The following INPP5B variants were observed in gnomAD, a reference collection of about 807,000 sequenced individuals.
INPP5B encodes inositol polyphosphate-5-phosphatase B, also known as type II inositol 1,4,5-trisphosphate 5-phosphatase.
In INPP5B, 90 loss-of-function variants were observed where a neutral mutation model predicts 118.5. The observed-to-expected ratio is 0.76, with a 90% CI of 0.64 to 0.90. The LOEUF (loss-of-function observed/expected upper bound fraction) is 0.90, where lower values mean the gene tolerates loss of function less well. INPP5B is among the 40% of genes least tolerant of loss of function. The probability of loss-of-function intolerance (pLI) is 0.00; values close to 1 mark genes in which losing one functional copy is unlikely to be tolerated. For missense variants in INPP5B, 984 were observed against 1,125.6 expected (o/e 0.87, Z 1.80); for synonymous variants, 385 against 418.9 (o/e 0.92, Z 0.99).
chr1:37,891,285 AC>A, intron 8 of INPP5B, 72 bp downstream of exon 8: 1 of 1,070,698 alleles, frequency 9.3e-7, no homozygotes, highest in East Asian at 2.4e-5. Flanking sequence ...CTTACATTAT[AC>A]CCAAAATGGT....
At position 37,862,221 on chromosome 1, in the gene INPP5B, G is replaced by A. The variant is rs899065228; in HGVS notation, c.*94C>T. 4 of 787,610 alleles carry A rather than the reference G, an allele frequency of 5.1e-6. No individual in the cohort carries two copies. In the East Asian group the frequency reaches 9.8e-5, roughly 19 times the overall value. The allele number at this position is 787,610 out of a possible 1,614,324, so 48.8% of individuals were successfully genotyped here. A position where few individuals can be genotyped will look rare whatever the true frequency, so the allele number is the denominator to read the frequency against. ...AAATAGCTGCCATTCTTGCTACCAA[G>A]TGGCCTCACATAATTATCTTAAGGC... On this transcript the variant is annotated 3_prime_UTR_variant, in exon 24 of 24. Coordinates refer to ENST00000373024, the MANE Select transcript of INPP5B (RefSeq NM_005540.3).
chr1:37,873,166 CT>C lies in INPP5B; in HGVS notation c.1952-2del, dbSNP rs1344605248. On this transcript the variant is annotated splice_acceptor_variant, in intron 18 of 23. Coordinates refer to ENST00000373024, the MANE Select transcript of INPP5B (RefSeq NM_005540.3). LOFTEE classifies it high-confidence loss of function. ...TCCAAGTCAATCTCAACATCAGAAT[CT>C]GCAGAGAAATTTTAAAAATAATGTT... The C allele has an allele frequency of 6.2e-7, 1 of 1,607,082 alleles. No individual in the cohort carries two copies. Among genetic ancestry groups the C allele is most frequent in the East Asian group, 2.2e-5 (1 of 44,848 alleles).
At chr1:37,897,016 G>A (rs751820273) in intron 7 of INPP5B, among the ~76,000 whole-genome samples, 107 of 141,140 alleles carry the variant, frequency 7.6e-4, no homozygotes, top group South Asian at 2.8e-3. Context: ...CAGCCGCCCC[G>A]TCCGGGAGGT....
chr1:37,926,366 T>TG lies in INPP5B; in HGVS notation c.532+5546dup, dbSNP rs1645228949. Reference sequence around the variant, plus strand: ...ATGCAGTGGCGTGATCTCAGCCCACTGCAACCTCCGCCTCCCAGGTTCAAG... The same window carrying TG: ...ATGCAGTGGCGTGATCTCAGCCCACTGGCAACCTCCGCCTCCCAGGTTCAAG... On this transcript the variant is annotated intron_variant, in intron 7 of 23. Transcript: ENST00000373024. Among the ~76,000 whole-genome samples the TG allele has an allele frequency of 3.3e-5, 5 of 152,036 alleles. No individual in the cohort carries two copies. In the South Asian group the frequency reaches 1.0e-3, roughly 31 times the overall value.
chr1:37,932,054 C>T lies in INPP5B; in HGVS notation c.392-1G>A. The T allele has an allele frequency of 1.3e-6, 2 of 1,589,426 alleles. 1 individual carries two copies. Among genetic ancestry groups the T allele is most frequent in the East Asian group, 4.5e-5 (2 of 44,428 alleles). On this transcript the variant is annotated splice_acceptor_variant, in intron 6 of 23. Coordinates refer to ENST00000373024, the MANE Select transcript of INPP5B (RefSeq NM_005540.3). LOFTEE classifies it high-confidence loss of function. ...GGATCCCGGGTCGCAGAATCGAAGC[C>T]TGTGCAGGAACAAATGGGGGCAGAC...
At chr1:37,890,710 G>A (rs1191267291) in intron 8 of INPP5B, among the ~76,000 whole-genome samples, 7 of 152,014 alleles carry the variant, frequency 4.6e-5, no homozygotes, top group Non-Finnish European at 5.9e-5. Flanking sequence ...GAAATCAAAC[G>A]TTTCTAATCT....
intron 19 of INPP5B, among the ~76,000 whole-genome samples, chr1:37,872,380 A>AAAG (rs1455720223): frequency 1.3e-5 from 2 of 151,118 alleles, no homozygotes; most frequent in East Asian, 3.9e-4. Flanking sequence ...CAAAAAAAAA[A>AAAG]AAAAAAAAGA....
intron 7 of INPP5B, among the ~76,000 whole-genome samples, chr1:37,921,300 A>G (rs1645045591): frequency 6.6e-6 from 1 of 152,178 alleles, no homozygotes. Context: ...TCTTATGACA[A>G]AAAGGAGCTG....
At chr1:37,944,391 G>A (rs1003311957) in intron 3 of INPP5B, among the ~76,000 whole-genome samples, 1 of 151,968 alleles carries the variant, frequency 6.6e-6, no homozygotes, top group Non-Finnish European at 1.5e-5. Flanking sequence ...CAACATTTAT[G>A]GAGCACTTTC....
intron 13 of INPP5B, chr1:37,884,983 C>A (rs1363002373): frequency 1.3e-5 from 2 of 152,020 alleles, no homozygotes; most frequent in African/African-American, 4.8e-5. Context: ...AAACTTATAC[C>A]TTCCCAAGGA....
At chr1:37,878,496 T>C in intron 15 of INPP5B, 173 bp from the exon 16 acceptor site, 2 of 985,352 alleles carry the variant, frequency 2.0e-6, no homozygotes, top group Non-Finnish European at 2.4e-6. Flanking sequence ...ATGTATCCTG[T>C]GGGTATCATC....
At chr1:37,889,959 A>G (rs1455454009) in intron 8 of INPP5B, among the ~76,000 whole-genome samples, 1 of 152,238 alleles carries the variant, frequency 6.6e-6, no homozygotes, top group African/African-American at 2.4e-5. Flanking sequence ...GAGTCACAGA[A>G]TCTCAGACCA....
intron 7 of INPP5B, among the ~76,000 whole-genome samples, chr1:37,919,816 G>A (rs749701669): frequency 1.3e-5 from 2 of 151,984 alleles, no homozygotes; most frequent in African/African-American, 4.8e-5. Context: ...GGTGGCAGGC[G>A]CCTATAATCC....
intron 9 of INPP5B, 25 bp from the exon 10 acceptor site, chr1:37,888,369 T>G: frequency 7.0e-7 from 1 of 1,424,156 alleles, no homozygotes; most frequent in African/African-American, 1.5e-5. Flanking sequence ...AAATAATTAG[T>G]GACTCCGAAT....
intron 17 of INPP5B, 92 bp from the exon 18 acceptor site, chr1:37,874,247 A>C (rs1642649936): frequency 1.1e-6 from 1 of 888,778 alleles, no homozygotes; most frequent in Non-Finnish European, 1.6e-6. Context: ...CCATGGAAAG[A>C]AAATGAACCA....
rs1038830747 is a variant in INPP5B at position 37,907,843 on chromosome 1, A to G, written c.533-16389T>C. ...CAGGCCTCTGAGCCCAAGCTAAGCCATCATATCCCCTGTGACCTGCATGTA... is the reference window on the plus strand; with the variant it reads ...CAGGCCTCTGAGCCCAAGCTAAGCCGTCATATCCCCTGTGACCTGCATGTA... On this transcript the variant is annotated intron_variant, in intron 7 of 23. Coordinates refer to ENST00000373024, the MANE Select transcript of INPP5B (RefSeq NM_005540.3). The surrounding 1 kb of genome is among the most constrained non-coding windows in gnomAD (Gnocchi z 4.3). Among the ~76,000 whole-genome samples, 7 of 152,154 alleles carry G rather than the reference A, an allele frequency of 4.6e-5. No individual in the cohort carries two copies. In the East Asian group the frequency reaches 1.3e-3, roughly 29 times the overall value.
intron 7 of INPP5B, among the ~76,000 whole-genome samples, chr1:37,900,320 T>A (rs1644284666): frequency 6.6e-6 from 1 of 151,528 alleles, no homozygotes; most frequent in Non-Finnish European, 1.5e-5. Flanking sequence ...AATGGTGCGA[T>A]CTCAACTCAC....
intron 16 of INPP5B, among the ~76,000 whole-genome samples, chr1:37,876,552 TAAAAAAAAAAAAA>T (rs34854182): frequency 1.1e-4 from 6 of 54,612 alleles, no homozygotes; most frequent in African/African-American, 1.8e-4. Flanking sequence ...GCTGTCTCTT[TAAAAAAAAAAAAA>T]AAAAAAAAAA....
chr1:37,932,560 G>C (rs1645530313), intron 6 of INPP5B, among the ~76,000 whole-genome samples: 1 of 151,848 alleles, frequency 6.6e-6, no homozygotes, highest in Non-Finnish European at 1.5e-5. Flanking sequence ...GTAGAGACGG[G>C]GTTTCACCGT....
Sources: allele counts gnomAD v4.1 joint callset (sites outside exome capture counted in the v4.1 genomes callset), GRCh38; gene constraint gnomAD v4.1.1; non-coding constraint Gnocchi (gnomAD v3.1); transcripts MANE v1.5; gene names NCBI Gene and HGNC (gene_info 2026-07-23, HGNC 2026-07-21).